ASTN2: variants seen among roughly 807,000 people sequenced by gnomAD.
ASTN2 encodes the protein astrotactin-2.
Under a neutral mutation model 139.8 loss-of-function variants are expected in ASTN2, and 54 were observed. The observed-to-expected ratio is 0.39, with a 90% CI of 0.31 to 0.48. The LOEUF is 0.48. ASTN2 is among the 20% of genes least tolerant of loss of function. The probability of loss-of-function intolerance (pLI) is 0.95; values close to 1 mark genes in which losing one functional copy is unlikely to be tolerated. For synonymous variants in ASTN2, 756 were observed against 719.5 expected, an observed-to-expected ratio of 1.05 and a Z score of -0.81; for missense variants, 1,565 against 1,725.1, an observed-to-expected ratio of 0.91 and a Z score of 1.64.
Position 116,487,430 on chromosome 9 carries a change from G to A in ASTN2, c.3426C>T (p.Ser1142=). ...TACTGACTTCAGGGACCTCTCCATG[G>A]CTTCGACCAGCTGCTACACAAGATG... The part of the protein sequence containing the change: ...LGTSCVAAGR[S]HGEVPEVSIY... Residue 1142 remains serine (S), a synonymous_variant, in exon 20 of 23, where the codon AGC becomes AGT. Transcript: ENST00000313400. 1.2e-6 allele frequency: 2 copies of A among 1,613,994 alleles called. No homozygotes were observed. The highest frequency in any genetic ancestry group is 1.7e-6 in the Non-Finnish European group (2 of 1,179,976).
chr9:117,210,059 T>C (rs543546358), intron 3 of ASTN2, among the ~76,000 whole-genome samples: 1 of 152,224 alleles, frequency 6.6e-6, no homozygotes, highest in South Asian at 2.1e-4. Flanking sequence ...GCAAAAGCAG[T>C]ATTAAGAGGC....
chr9:117,003,157 GAC>G (rs1271613537), intron 7 of ASTN2, among the ~76,000 whole-genome samples: 2 of 152,186 alleles, frequency 1.3e-5, no homozygotes, highest in African/African-American at 2.4e-5. Context: ...GAAAGAAACA[GAC>G]ACAGTTTTGT....
At chr9:117,045,369 C>T (rs781259472) in intron 5 of ASTN2, among the ~76,000 whole-genome samples, 4 of 150,986 alleles carry the variant, frequency 2.6e-5, no homozygotes, top group Non-Finnish European at 2.9e-5. Context: ...TGATTCACAT[C>T]CCCATTTGCA....
chr9:116,899,574 C>T (rs1018076440), intron 10 of ASTN2, among the ~76,000 whole-genome samples: 3 of 152,186 alleles, frequency 2.0e-5, no homozygotes, highest in Non-Finnish European at 4.4e-5. Context: ...CTCCATCTTG[C>T]TTCTAACCTC....
intron 17 of ASTN2, among the ~76,000 whole-genome samples, chr9:116,641,982 G>A (rs958272880): frequency 1.3e-5 from 2 of 151,870 alleles, no homozygotes; most frequent in African/African-American, 2.4e-5. Context: ...ATTATAGGAA[G>A]TACTTGACTT....
intron 1 of ASTN2, among the ~76,000 whole-genome samples, chr9:117,388,999 G>A (rs1339927): frequency 0.75 from 114,579 of 152,056 alleles, 43,347 homozygotes; most frequent in East Asian, 0.84. Flanking sequence ...GAAACAAGAT[G>A]AATGTTTAAC....
chr9:117,178,820 C>G (rs141922328), intron 3 of ASTN2, among the ~76,000 whole-genome samples: 22 of 152,282 alleles, frequency 1.4e-4, no homozygotes, highest in African/African-American at 5.3e-4. Flanking sequence ...GCGGCACCAG[C>G]CCTAATTAAG....
intron 2 of ASTN2, among the ~76,000 whole-genome samples, chr9:117,254,844 G>GTTCCT (rs1318717802): frequency 4.6e-5 from 7 of 151,852 alleles, no homozygotes; most frequent in African/African-American, 1.7e-4. Flanking sequence ...AGTCCTTTCT[G>GTTCCT]TTCCTTTCCA....
intron 19 of ASTN2, among the ~76,000 whole-genome samples, chr9:116,526,145 T>C (rs1851079773): frequency 6.6e-6 from 1 of 152,334 alleles, no homozygotes; most frequent in South Asian, 2.1e-4. Flanking sequence ...CCTCTGTTAT[T>C]TGGTGTTGAT....
chr9:117,143,575 A>T (rs1463751376), intron 3 of ASTN2, among the ~76,000 whole-genome samples: 1 of 152,230 alleles, frequency 6.6e-6, no homozygotes. Flanking sequence ...AAAAAACATT[A>T]CATACCAATG....
chr9:117,124,791 CG>C (rs1564438292), intron 4 of ASTN2, among the ~76,000 whole-genome samples: 1 of 143,234 alleles, frequency 7.0e-6, no homozygotes, highest in African/African-American at 2.6e-5. Context: ...GGTGACATAG[CG>C]AGACCCTGCC....
chr9:117,198,603 C>G (rs1484661633), intron 3 of ASTN2, among the ~76,000 whole-genome samples: 4 of 152,116 alleles, frequency 2.6e-5, no homozygotes, highest in Admixed American at 2.6e-4. Flanking sequence ...AATAAACATA[C>G]ATGTGCATGT....
intron 2 of ASTN2, among the ~76,000 whole-genome samples, chr9:117,247,746 A>T (rs1024895633): frequency 6.6e-6 from 1 of 152,222 alleles, no homozygotes; most frequent in Non-Finnish European, 1.5e-5. Context: ...GGAAAGAAAC[A>T]AAATGCTTCA....
chr9:116,893,212 C>T (rs908561872), intron 10 of ASTN2, among the ~76,000 whole-genome samples: 4 of 151,466 alleles, frequency 2.6e-5, no homozygotes, highest in Non-Finnish European at 5.9e-5. Flanking sequence ...TCTTACTATA[C>T]ATATACCTTC....
In ASTN2 at chr9:116,697,786, G is replaced by A. The variant is rs1341334730; in HGVS notation, c.2806+27985C>T. 13 of 1,613,982 alleles carry A rather than the reference G, an allele frequency of 8.1e-6. No individual in the cohort carries two copies. The highest frequency in any genetic ancestry group is 2.2e-5 in the East Asian group (1 of 44,886). On this transcript the variant is annotated intron_variant, in intron 16 of 22. Transcript: ENST00000313400. ...TCTCACCTGAACCTGGATGCCCTCC[G>A]GGAAGTGCTAGAATGCCCCATCTGC...
chr9:116,493,886 C>T (rs1228491082), intron 19 of ASTN2, among the ~76,000 whole-genome samples: 1 of 152,104 alleles, frequency 6.6e-6, no homozygotes, highest in Non-Finnish European at 1.5e-5. Flanking sequence ...CGGGAAACAC[C>T]AAGAGGATTT....
intron 20 of ASTN2, among the ~76,000 whole-genome samples, chr9:116,482,636 GAAAC>G (rs1490007639): frequency 1.3e-5 from 2 of 152,046 alleles, no homozygotes; most frequent in African/African-American, 2.4e-5. Context: ...GAGCAAATGT[GAAAC>G]TTGCTGTCGG....
intron 19 of ASTN2, among the ~76,000 whole-genome samples, chr9:116,506,038 G>T (rs1214737672): frequency 6.6e-6 from 1 of 152,084 alleles, no homozygotes; most frequent in Non-Finnish European, 1.5e-5. Context: ...CTTTGACTCT[G>T]TATTGCACAT....
chr9:117,006,149 C>T (rs147225430), intron 7 of ASTN2, among the ~76,000 whole-genome samples: 3 of 152,288 alleles, frequency 2.0e-5, no homozygotes, highest in Admixed American at 6.5e-5. Context: ...TAAACACCCA[C>T]ACCCAGCCCC....
Sources: gnomAD v4.1 joint callset for allele counts (sites outside exome capture counted in the v4.1 genomes callset) on GRCh38, gnomAD v4.1.1 for gene constraint, MANE v1.5 for transcripts, NCBI Gene and HGNC (gene_info 2026-07-23, HGNC 2026-07-21) for gene names.